The following RAPGEF1 variants were observed in gnomAD, a reference collection of about 807,000 sequenced individuals.
The protein encoded by RAPGEF1 is Rap guanine nucleotide exchange factor 1, also known as CRK SH3-binding GNRP.
RAPGEF1 carries 33 observed loss-of-function variants against 143.3 expected under a neutral mutation model. The ratio of observed to expected loss-of-function variants is 0.23; its 90% CI spans 0.17 to 0.31. RAPGEF1 has a LOEUF of 0.31. RAPGEF1 is among the 10% of genes least tolerant of loss of function. RAPGEF1 has a pLI of 1.00. For synonymous variants in RAPGEF1, 629 were observed against 676.5 expected, an observed-to-expected ratio of 0.93 and a Z score of 1.09; for missense variants, 1,199 against 1,645.4, an observed-to-expected ratio of 0.73 and a Z score of 4.69.
At chr9:131,643,148 C>T in intron 4 of RAPGEF1, 91 bp downstream of exon 4, 9 of 1,415,306 alleles carry the variant, frequency 6.4e-6, no homozygotes, top group Non-Finnish European at 8.5e-6. Flanking sequence ...CTGACTGTTC[C>T]TAGGAACCTT....
At chr9:131,674,797 C>T (rs559146059) in intron 1 of RAPGEF1, among the ~76,000 whole-genome samples, 1 of 152,286 alleles carries the variant, frequency 6.6e-6, no homozygotes, top group African/African-American at 2.4e-5. Context: ...TGTCCTGTCC[C>T]CTACTCCTCA....
chr9:131,673,856 T>C (rs1245255974), intron 1 of RAPGEF1, among the ~76,000 whole-genome samples: 1 of 152,204 alleles, frequency 6.6e-6, no homozygotes, highest in Non-Finnish European at 1.5e-5. Context: ...GTGGCCTCTG[T>C]TTCCTAAAAG....
At position 131,584,223 on chromosome 9, in the gene RAPGEF1, G is replaced by T. The variant is rs1952339890; in HGVS notation, c.3414+88C>A. 1 of 1,257,918 alleles carries T rather than the reference G, an allele frequency of 7.9e-7. No individual in the cohort carries two copies. Among genetic ancestry groups the T allele is most frequent in the East Asian group, 2.5e-5 (1 of 39,528 alleles). 77.9% of individuals were successfully genotyped at this position (1,257,918 alleles called of 1,614,324 possible). A position where few individuals can be genotyped will look rare whatever the true frequency, so the allele number is the denominator to read the frequency against. ...CCTAGGCCCAGCATTTGCTCCAGTG[G>T]GAGCACTTTCTGCCACAGCTAGTCG... On this transcript the variant is annotated intron_variant, in intron 24 of 26. Transcript: ENST00000683357. This position sits in a 1 kb window ranked among gnomAD's most constrained non-coding sequence, Gnocchi z 6.8.
chr9:131,587,923 T>C lies in RAPGEF1; in HGVS notation c.3138+19A>G, dbSNP rs564703743. The C allele has an allele frequency of 3.0e-5, 48 of 1,605,880 alleles. No homozygotes were observed. The highest frequency in any genetic ancestry group is 2.1e-4 in the South Asian group (19 of 90,146). ...CAGGGACAAACAGTGTGGCTCCCCC[T>C]GGCAGGAGCAGCCTGTACCTCTATT... On this transcript the variant is annotated intron_variant, in intron 21 of 26. Coordinates refer to ENST00000683357, the MANE Select transcript of RAPGEF1 (RefSeq NM_001377935.1).
At chr9:131,686,507 A>G (rs1381923545) in intron 1 of RAPGEF1, among the ~76,000 whole-genome samples, 1 of 152,204 alleles carries the variant, frequency 6.6e-6, no homozygotes, top group Admixed American at 6.5e-5. Flanking sequence ...CCACACAAGG[A>G]GCTGCCCAAT....
Position 131,630,304 on chromosome 9 carries a change from G to A in RAPGEF1, c.672C>T (p.Ile224=), listed in dbSNP as rs368835978. 119 of 1,613,670 alleles carry A rather than the reference G, an allele frequency of 7.4e-5. No individual in the cohort carries two copies. The highest frequency in any genetic ancestry group is 9.2e-5 in the Non-Finnish European group (108 of 1,179,842). ...DGVKELVRLT[I]EKQGRPSPTS... ...TCGGAGACGGACGTCCCTGCTTCTC[G>A]ATGGTGAGCCTGACCAGCTCCTACC... Residue 224 remains isoleucine, a synonymous_variant, in exon 6 of 27, where the codon ATC becomes ATT. Transcript: ENST00000683357.
At chr9:131,615,217 C>T (rs987319978) in intron 12 of RAPGEF1, among the ~76,000 whole-genome samples, 2 of 152,326 alleles carry the variant, frequency 1.3e-5, no homozygotes, top group Non-Finnish European at 1.5e-5. Flanking sequence ...GGACTACAGG[C>T]GCCCGCCACC....
intron 1 of RAPGEF1, among the ~76,000 whole-genome samples, chr9:131,666,916 C>T (rs891664145): frequency 6.6e-6 from 1 of 152,190 alleles, no homozygotes; most frequent in Admixed American, 6.5e-5. Flanking sequence ...AAGCAAAGAG[C>T]CTTGGCCTGG....
At chr9:131,666,748 C>T (rs549473077) in intron 1 of RAPGEF1, among the ~76,000 whole-genome samples, 10 of 152,288 alleles carry the variant, frequency 6.6e-5, no homozygotes, top group East Asian at 3.9e-4. Context: ...AATATAAAAA[C>T]GATTAATGAG....
rs1327891145 is a variant in RAPGEF1, at chr9:131,675,059, C to T, written c.62-24110G>A. ...AGGGAGGGAGCAGAGAGAAGGCGAG[C>T]GTCATAGCCCTTTCCACAGAGGGTG... is the stretch of plus-strand genomic sequence containing the variant. On this transcript the variant is annotated intron_variant, in intron 1 of 26. Transcript: ENST00000683357. This position sits in a 1 kb window ranked among gnomAD's most constrained non-coding sequence, Gnocchi z 4.6. Among the ~76,000 whole-genome samples, 2 of 152,050 alleles carry T rather than the reference C, an allele frequency of 1.3e-5. No individual in the cohort carries two copies. Among genetic ancestry groups the T allele is most frequent in the Non-Finnish European group, 2.9e-5 (2 of 68,018 alleles).
At chr9:131,656,269 C>G (rs528287016) in intron 1 of RAPGEF1, among the ~76,000 whole-genome samples, 1 of 152,208 alleles carries the variant, frequency 6.6e-6, no homozygotes, top group South Asian at 2.1e-4. Context: ...TCCTTTGGCA[C>G]TGAACCAGAA....
intron 1 of RAPGEF1, among the ~76,000 whole-genome samples, chr9:131,720,631 C>T (rs1160335665): frequency 6.6e-6 from 1 of 152,200 alleles, no homozygotes; most frequent in Non-Finnish European, 1.5e-5. Flanking sequence ...GTCAGCAACA[C>T]CTGCCAACAT....
rs865822249 is a variant in RAPGEF1, at chr9:131,739,956, C to T, written c.-126G>A. The T allele has an allele frequency of 1.6e-5, 7 of 443,062 alleles. No individual in the cohort carries two copies. Among genetic ancestry groups the T allele is most frequent in the African/African-American group, 1.5e-4 (7 of 46,286 alleles). 27.4% of individuals were successfully genotyped at this position (443,062 alleles called of 1,614,324 possible). ...CTCCGCGCGGCCGCGGCCCTGCGCT[C>T]GGCGACCGCGCTCCAGCCCGCCCGG... On this transcript the variant is annotated 5_prime_UTR_variant, in exon 1 of 27. Transcript: ENST00000683357.
At chr9:131,595,281 C>T (rs182373610) in intron 17 of RAPGEF1, among the ~76,000 whole-genome samples, 12 of 152,322 alleles carry the variant, frequency 7.9e-5, no homozygotes, top group East Asian at 1.9e-4. Flanking sequence ...AAGGGGAGGG[C>T]GGAGCAGTGG....
chr9:131,705,273 T>C (rs1834964590), intron 1 of RAPGEF1, among the ~76,000 whole-genome samples: 1 of 152,138 alleles, frequency 6.6e-6, no homozygotes, highest in Non-Finnish European at 1.5e-5. Flanking sequence ...AGGGCACATG[T>C]GCCAGGCACC....
At chr9:131,688,168 A>AGAT (rs1288606852) in intron 1 of RAPGEF1, among the ~76,000 whole-genome samples, 1 of 152,220 alleles carries the variant, frequency 6.6e-6, no homozygotes, top group Non-Finnish European at 1.5e-5. Context: ...ATGCCGTGCC[A>AGAT]GATGAAAGGG....
At chr9:131,694,409 A>G (rs925716860) in intron 1 of RAPGEF1, among the ~76,000 whole-genome samples, 3 of 152,240 alleles carry the variant, frequency 2.0e-5, no homozygotes, top group African/African-American at 7.2e-5. Flanking sequence ...TCTGTGTTGT[A>G]TGGTTCAGAT....
chr9:131,604,419 C>A (rs1411427624), intron 13 of RAPGEF1, among the ~76,000 whole-genome samples: 1 of 152,240 alleles, frequency 6.6e-6, no homozygotes, highest in Non-Finnish European at 1.5e-5. Context: ...CTGCTCCAAT[C>A]TGCAAGGCAG....
At chr9:131,625,292 CGA>C (rs1216636362) in intron 10 of RAPGEF1, among the ~76,000 whole-genome samples, 2 of 152,118 alleles carry the variant, frequency 1.3e-5, no homozygotes, top group Admixed American at 1.3e-4. Flanking sequence ...AGGAGAAAAC[CGA>C]ATTTCCAGGA....
Sources: allele counts gnomAD v4.1 joint callset (sites outside exome capture counted in the v4.1 genomes callset), GRCh38; gene constraint gnomAD v4.1.1; non-coding constraint Gnocchi (gnomAD v3.1); transcripts MANE v1.5; gene names NCBI Gene and HGNC (gene_info 2026-07-23, HGNC 2026-07-21).